The following GLIS3 variants were observed in gnomAD, a reference collection of about 807,000 sequenced individuals.
GLIS3 encodes zinc finger protein GLIS3.
GLIS3 carries 53 observed loss-of-function variants against 78.6 expected under a neutral mutation model. The observed-to-expected ratio is 0.67, with a 90% CI of 0.54 to 0.85. The LOEUF (loss-of-function observed/expected upper bound fraction) is 0.85, where lower values mean the gene tolerates loss of function less well. GLIS3 is among the 40% of genes least tolerant of loss of function. The pLI, the probability that GLIS3 is intolerant of heterozygous loss-of-function variation, is 0.00. For missense variants in GLIS3, 1,703 were observed against 1,231.1 expected (o/e 1.38, Z -5.74); for synonymous variants, 684 against 509.9 (o/e 1.34, Z -4.60).
intron 9 of GLIS3, among the ~76,000 whole-genome samples, chr9:3,839,272 A>G (rs368139629): frequency 6.6e-6 from 1 of 152,214 alleles, no homozygotes; most frequent in East Asian, 1.9e-4. Flanking sequence ...AATATTTCTA[A>G]ATATCTAGAT....
chr9:4,054,678 CA>C lies in GLIS3; in HGVS notation c.1710+63089del, dbSNP rs112297718. On this transcript the variant is annotated intron_variant, in intron 4 of 10. Coordinates refer to ENST00000381971, the MANE Select transcript of GLIS3 (RefSeq NM_001042413.2). Reference sequence around the variant, plus strand: ...CCTATAAAACTGTGCTGTTTCTCAACAAAAAAAAAGTAATAGCACATTGCTG... The same window carrying C: ...CCTATAAAACTGTGCTGTTTCTCAACAAAAAAAAGTAATAGCACATTGCTG... Among the ~76,000 whole-genome samples, 1,224 of 150,146 alleles carry C rather than the reference CA, an allele frequency of 8.2e-3. 16 individuals carry two copies. The highest frequency in any genetic ancestry group is 0.029 in the African/African-American group (1,166 of 40,690).
At chr9:4,366,727 G>A in the GLIS3 span, among the ~76,000 whole-genome samples, 251 of 152,338 alleles carry the variant, frequency 1.6e-3, no homozygotes, top group African/African-American at 5.9e-3. Context: ...CCAGGCCTAG[G>A]AGTGCCAGTA....
chr9:4,188,033 G>A (rs924415993), intron 2 of GLIS3, among the ~76,000 whole-genome samples: 3 of 152,068 alleles, frequency 2.0e-5, no homozygotes, highest in African/African-American at 7.2e-5. Flanking sequence ...CCAACACTAT[G>A]TTGAATAGGA....
the GLIS3 span, among the ~76,000 whole-genome samples, chr9:4,384,597 T>C: frequency 2.0e-5 from 3 of 150,820 alleles, no homozygotes; most frequent in Non-Finnish European, 4.4e-5. Context: ...TGTATATATA[T>C]TTATGACTCT....
At chr9:4,330,447 G>C (rs979323110) in intron 2 of GLIS3, among the ~76,000 whole-genome samples, 1 of 152,220 alleles carries the variant, frequency 6.6e-6, no homozygotes, top group Non-Finnish European at 1.5e-5. Flanking sequence ...GTAGTGTTTA[G>C]GCTTTGATAG....
intron 2 of GLIS3, among the ~76,000 whole-genome samples, chr9:4,230,699 TAACTGTGA>T (rs1398044335): frequency 6.6e-6 from 1 of 152,100 alleles, no homozygotes; most frequent in Non-Finnish European, 1.5e-5. Context: ...CAGGTGAAAG[TAACTGTGA>T]AACTACAAAA....
intron 2 of GLIS3, among the ~76,000 whole-genome samples, chr9:4,209,450 C>T (rs1185545650): frequency 1.3e-5 from 2 of 152,178 alleles, no homozygotes; most frequent in East Asian, 1.9e-4. Flanking sequence ...AACCCTCCTA[C>T]TCCAGGTGGC....
intron 4 of GLIS3, among the ~76,000 whole-genome samples, chr9:3,951,927 A>C (rs946728422): frequency 6.6e-6 from 1 of 150,728 alleles, no homozygotes; most frequent in Non-Finnish European, 1.5e-5. Flanking sequence ...ATTTGAGGTT[A>C]GCTGAAGACA....
At chr9:4,254,858 A>C (rs10974412) in intron 2 of GLIS3, among the ~76,000 whole-genome samples, 53,666 of 149,510 alleles carry the variant, frequency 0.36, 9,858 homozygotes, top group Admixed American at 0.41. Context: ...AAAAAAAAGA[A>C]AAAAAGATAA....
At chr9:4,207,011 A>C (rs1204441813) in intron 2 of GLIS3, among the ~76,000 whole-genome samples, 1 of 152,214 alleles carries the variant, frequency 6.6e-6, no homozygotes, top group African/African-American at 2.4e-5. Context: ...GAGGGGATGG[A>C]AGCCAACAAA....
intron 2 of GLIS3, among the ~76,000 whole-genome samples, chr9:4,324,711 C>T (rs1273364578): frequency 1.3e-5 from 2 of 152,192 alleles, no homozygotes; most frequent in African/African-American, 4.8e-5. Flanking sequence ...GGGAAGCCTG[C>T]CAATGACTCA....
chr9:4,105,958 G>C (rs906814925), intron 4 of GLIS3, among the ~76,000 whole-genome samples: 2 of 152,132 alleles, frequency 1.3e-5, no homozygotes, highest in Admixed American at 6.6e-5. Flanking sequence ...TACAGGGAGG[G>C]ACAACTAGAG....
At chr9:4,268,869 T>C (rs1429003813) in intron 2 of GLIS3, among the ~76,000 whole-genome samples, 1 of 152,182 alleles carries the variant, frequency 6.6e-6, no homozygotes, top group Non-Finnish European at 1.5e-5. Flanking sequence ...CCCCTTCCTT[T>C]CGATCCTCCA....
At chr9:4,300,946 A>T (rs1817044983), upstream of GLIS3, among the ~76,000 whole-genome samples, 1 of 152,074 alleles carries the variant, frequency 6.6e-6, no homozygotes, top group Non-Finnish European at 1.5e-5. Context: ...AGACACTTAG[A>T]ATTTCACAAG....
At chr9:4,347,258 A>C (rs1408046671) in intron 1 of GLIS3, 1 of 152,204 alleles carries the variant, frequency 6.6e-6, no homozygotes, top group Admixed American at 6.5e-5. Context: ...TCTCATGGGA[A>C]CTAATAGAGC....
chr9:4,299,111 C>G (rs113141756), intron 1 of GLIS3, among the ~76,000 whole-genome samples: 51 of 152,220 alleles, frequency 3.4e-4, no homozygotes, highest in African/African-American at 1.2e-3. Flanking sequence ...AAAACTGTTC[C>G]GAATTAGCGC....
rs202168959 is a variant in GLIS3, at chr9:3,828,384, G to A, written c.2681C>T (p.Ser894Leu). 141 of 1,613,436 alleles carry A rather than the reference G, an allele frequency of 8.7e-5. 1 individual carries two copies. The highest frequency in any genetic ancestry group is 5.8e-4 in the South Asian group (53 of 91,058). ...ITVYDLPSSS[S>L]SLFGESLRSG... ...GCGGAGAGACTCCCCAAAGAGGCTC[G>A]AGGAACTTGAAGGTAAATCATACAC... The change falls in exon 11 of 11, where the codon TCG becomes TTG. Residue 894 changes from serine (S) to leucine (L), a missense_variant. Physicochemically the swap from Ser to Leu is moderately radical, Grantham distance 145. Coordinates refer to ENST00000381971, the MANE Select transcript of GLIS3 (RefSeq NM_001042413.2).
chr9:4,346,016 G>GTA (rs1817893332), intron 2 of GLIS3, among the ~76,000 whole-genome samples: 1 of 152,048 alleles, frequency 6.6e-6, no homozygotes, highest in African/African-American at 2.4e-5. Flanking sequence ...TTTCAAATCA[G>GTA]TGAGATCTAG....
chr9:4,401,050 C>G, the GLIS3 span, among the ~76,000 whole-genome samples: 2 of 152,124 alleles, frequency 1.3e-5, no homozygotes, highest in Non-Finnish European at 2.9e-5. Context: ...GTAAAGAGGA[C>G]TTTGTCTTGC....
Sources: allele counts gnomAD v4.1 joint callset (sites outside exome capture counted in the v4.1 genomes callset), GRCh38; gene constraint gnomAD v4.1.1; transcripts MANE v1.5; gene names NCBI Gene and HGNC (gene_info 2026-07-23, HGNC 2026-07-21).